The following TENM2 variants were observed in gnomAD, a reference collection of about 807,000 sequenced individuals.
TENM2 encodes the protein teneurin transmembrane protein 2, also known as teneurin-2.
Under a neutral mutation model 245.2 loss-of-function variants are expected in TENM2, and 52 were observed. That is an observed-to-expected ratio of 0.21 (90% CI 0.17 to 0.27). The LOEUF is 0.27. Among genes scored for constraint, TENM2 ranks in the 10% least tolerant of loss-of-function variants. The probability of loss-of-function intolerance (pLI) is 1.00; values close to 1 mark genes in which losing one functional copy is unlikely to be tolerated. For missense variants in TENM2, 3,046 were observed against 3,666.8 expected, an observed-to-expected ratio of 0.83 and a Z score of 4.37; for synonymous variants, 1,363 against 1,438.9, an observed-to-expected ratio of 0.95 and a Z score of 1.19.
chr5:168,082,488 G>C (rs568256361), intron 7 of TENM2, among the ~76,000 whole-genome samples: 1 of 152,330 alleles, frequency 6.6e-6, no homozygotes, highest in East Asian at 1.9e-4. Flanking sequence ...GCAAGGAGCT[G>C]CGTTCCTTTG....
At chr5:167,157,178 A>G in the TENM2 span, among the ~76,000 whole-genome samples, 1 of 152,290 alleles carries the variant, frequency 6.6e-6, no homozygotes, top group South Asian at 2.1e-4. Flanking sequence ...TCTACCTTGT[A>G]CAAAGAATGC....
chr5:167,378,749 C>G (rs1297202775), intron 2 of TENM2, among the ~76,000 whole-genome samples: 1 of 151,902 alleles, frequency 6.6e-6, no homozygotes, highest in African/African-American at 2.4e-5. Context: ...GTCAGTAATA[C>G]AGAAGAATAA....
chr5:167,270,300 A>G, the TENM2 span, among the ~76,000 whole-genome samples: 1 of 152,152 alleles, frequency 6.6e-6, no homozygotes, highest in Admixed American at 6.6e-5. Flanking sequence ...AGTAACCACT[A>G]CTGTTATTGT....
intron 17 of TENM2, among the ~76,000 whole-genome samples, chr5:168,203,100 G>C (rs10041718): frequency 0.16 from 24,549 of 152,126 alleles, 2,955 homozygotes; most frequent in African/African-American, 0.34. Flanking sequence ...TTTGGATTCT[G>C]TTCCCCATTG....
At chr5:167,097,308 C>A in the TENM2 span, among the ~76,000 whole-genome samples, 3 of 152,108 alleles carry the variant, frequency 2.0e-5, no homozygotes, top group Admixed American at 2.0e-4. Flanking sequence ...GCAAGTGGGG[C>A]CTTGGCCAAG....
chr5:168,067,481 C>G (rs1232251406), intron 7 of TENM2, among the ~76,000 whole-genome samples: 1 of 152,190 alleles, frequency 6.6e-6, no homozygotes, highest in African/African-American at 2.4e-5. Context: ...TTGTCCTTAT[C>G]AGCGGAATTC....
chr5:168,174,432 T>G (rs1471434209), intron 13 of TENM2, among the ~76,000 whole-genome samples: 2 of 152,164 alleles, frequency 1.3e-5, no homozygotes, highest in African/African-American at 4.8e-5. Flanking sequence ...AGTTAATGGA[T>G]GCAAAACAGT....
At chr5:167,649,484 C>T (rs1285424928) in intron 2 of TENM2, among the ~76,000 whole-genome samples, 1 of 152,120 alleles carries the variant, frequency 6.6e-6, no homozygotes, top group Non-Finnish European at 1.5e-5. Context: ...TACCACAGGG[C>T]TGACAAAGAG....
At chr5:167,385,269 A>T (rs1247130375) in intron 2 of TENM2, among the ~76,000 whole-genome samples, 1 of 151,992 alleles carries the variant, frequency 6.6e-6, no homozygotes, top group Non-Finnish European at 1.5e-5. Flanking sequence ...ATTCTCATGC[A>T]ATTTGTTTAA....
intron 4 of TENM2, among the ~76,000 whole-genome samples, chr5:167,991,098 G>C (rs998027833): frequency 2.6e-5 from 4 of 152,272 alleles, no homozygotes; most frequent in Admixed American, 2.0e-4. Flanking sequence ...GGTAATAATA[G>C]TACCCACCTG....
At chr5:167,171,332 T>G in the TENM2 span, among the ~76,000 whole-genome samples, 1 of 152,204 alleles carries the variant, frequency 6.6e-6, no homozygotes, top group Non-Finnish European at 1.5e-5. Flanking sequence ...ATTTTATCAG[T>G]GAAGTCCTTC....
At position 167,734,228 on chromosome 5, in the gene TENM2, T is replaced by C. The variant is rs576114206; in HGVS notation, c.503-141758T>C. On this transcript the variant is annotated intron_variant, in intron 2 of 28. Transcript: ENST00000518659. ...GGCCCTTTGGGGTTCTGATCATAGTTTTTAGTATTTTCCCTGCTACTTCGT... is the reference window on the plus strand; with the variant it reads ...GGCCCTTTGGGGTTCTGATCATAGTCTTTAGTATTTTCCCTGCTACTTCGT... 1.7e-4 allele frequency among the ~76,000 whole-genome samples: 26 copies of C among 152,178 alleles called. 1 individual carries two copies. Among genetic ancestry groups the C allele is most frequent in the African/African-American group, 5.5e-4 (23 of 41,512 alleles).
intron 2 of TENM2, among the ~76,000 whole-genome samples, chr5:167,784,689 A>G (rs1197898512): frequency 6.6e-6 from 1 of 152,250 alleles, no homozygotes; most frequent in Non-Finnish European, 1.5e-5. Flanking sequence ...GCCAGTGACT[A>G]TAAGAATTCA....
At chr5:167,852,474 A>T (rs1033403440) in intron 2 of TENM2, among the ~76,000 whole-genome samples, 7 of 152,236 alleles carry the variant, frequency 4.6e-5, no homozygotes, top group Admixed American at 2.0e-4. Flanking sequence ...GCAAAACGGT[A>T]GCATCTTTTA....
At chr5:167,520,285 C>T (rs1171758397) in intron 2 of TENM2, among the ~76,000 whole-genome samples, 1 of 152,134 alleles carries the variant, frequency 6.6e-6, no homozygotes, top group Non-Finnish European at 1.5e-5. Flanking sequence ...GGCTGTATAA[C>T]AGCAAACAAA....
intron 8 of TENM2, among the ~76,000 whole-genome samples, chr5:168,093,285 T>C (rs1562148738): frequency 1.3e-5 from 2 of 152,226 alleles, no homozygotes; most frequent in Non-Finnish European, 2.9e-5. Flanking sequence ...CTGTTGGAGC[T>C]GGGAATAGCA....
At chr5:167,433,139 A>T (rs1156476236) in intron 2 of TENM2, among the ~76,000 whole-genome samples, 2 of 151,936 alleles carry the variant, frequency 1.3e-5, no homozygotes, top group Admixed American at 1.3e-4. Flanking sequence ...AGTAACAGAC[A>T]CATGCATTTC....
rs537908111 is a variant in TENM2, at chr5:167,689,598, T to C, written c.503-186388T>C. Reference sequence around the variant, plus strand: ...AAAGAAGAAAATACAATATTTAAAATGGCCTTTTCTCCCCTAATGTCTCCA... The same window carrying C: ...AAAGAAGAAAATACAATATTTAAAACGGCCTTTTCTCCCCTAATGTCTCCA... On this transcript the variant is annotated intron_variant, in intron 2 of 28. Transcript: ENST00000518659. Among the ~76,000 whole-genome samples, 6 of 152,328 alleles carry C rather than the reference T, an allele frequency of 3.9e-5. No individual in the cohort carries two copies. The South Asian group carries it at 1.2e-3, about 32-fold the overall frequency.
intron 19 of TENM2, among the ~76,000 whole-genome samples, chr5:168,209,648 T>C (rs937956796): frequency 1.3e-5 from 2 of 152,220 alleles, no homozygotes; most frequent in African/African-American, 4.8e-5. Context: ...GACAACAGTC[T>C]CCACTGATTA....
Sources: gnomAD v4.1 joint callset for allele counts (sites outside exome capture counted in the v4.1 genomes callset) on GRCh38, gnomAD v4.1.1 for gene constraint, MANE v1.5 for transcripts, NCBI Gene and HGNC (gene_info 2026-07-23, HGNC 2026-07-21) for gene names.